The following CFAP210 variants were observed in gnomAD, a reference collection of about 807,000 sequenced individuals.
CFAP210 encodes the protein cilia and flagella associated protein 210.
the CFAP210 span, among the ~76,000 whole-genome samples, chr2:169,692,009 C>T: frequency 6.6e-6 from 1 of 152,242 alleles, no homozygotes; most frequent in Non-Finnish European, 1.5e-5. Flanking sequence ...AGGCAATTTA[C>T]AACTCCATCT....
chr2:169,670,615 G>A, the CFAP210 span, among the ~76,000 whole-genome samples: 1 of 152,142 alleles, frequency 6.6e-6, no homozygotes, highest in African/African-American at 2.4e-5. Flanking sequence ...AGTCATCCAA[G>A]GGCTTAAATG....
the CFAP210 span, among the ~76,000 whole-genome samples, chr2:169,682,922 G>A: frequency 0.035 from 5,398 of 152,122 alleles, 346 homozygotes; most frequent in African/African-American, 0.12. Flanking sequence ...TAAGACTAGC[G>A]CCTGGTACAT....
At chr2:169,662,147 T>A in the CFAP210 span, 1 of 858,016 alleles carries the variant, frequency 1.2e-6, no homozygotes, top group South Asian at 1.7e-5. Flanking sequence ...CCTTACTTGA[T>A]CATTACATAA....
chr2:169,654,290 C>T, the CFAP210 span: 1 of 1,289,730 alleles, frequency 7.8e-7, no homozygotes, highest in Admixed American at 2.6e-5. Context: ...TAACAAGAAC[C>T]TGTCAAATGG....
chr2:169,673,070 T>C, the CFAP210 span, among the ~76,000 whole-genome samples: 1 of 152,100 alleles, frequency 6.6e-6, no homozygotes, highest in African/African-American at 2.4e-5. Context: ...AAGCCCACCA[T>C]GAGAAGTAAG....
the CFAP210 span, among the ~76,000 whole-genome samples, chr2:169,684,883 T>C: frequency 2.0e-5 from 3 of 152,200 alleles, no homozygotes; most frequent in South Asian, 4.1e-4. Context: ...CTCAAACTCC[T>C]GGCCTCAAGT....
the CFAP210 span, chr2:169,674,852 A>G: frequency 5.3e-6 from 8 of 1,498,964 alleles, no homozygotes; most frequent in African/African-American, 1.4e-5. Flanking sequence ...AAATACAAGA[A>G]AACTCAAGTA....
At chr2:169,668,752 A>G in the CFAP210 span, among the ~76,000 whole-genome samples, 12 of 152,216 alleles carry the variant, frequency 7.9e-5, no homozygotes, top group Non-Finnish European at 2.9e-5. Flanking sequence ...GCCATCTTAT[A>G]TGGGTACAGT....
chr2:169,670,983 C>A, the CFAP210 span, among the ~76,000 whole-genome samples: 2 of 152,086 alleles, frequency 1.3e-5, no homozygotes, highest in Non-Finnish European at 2.9e-5. Context: ...ATAGGGCATG[C>A]AAAAAGAGAC....
At chr2:169,688,617 T>C in the CFAP210 span, among the ~76,000 whole-genome samples, 5 of 152,232 alleles carry the variant, frequency 3.3e-5, no homozygotes, top group African/African-American at 1.2e-4. Flanking sequence ...ATGACGCTAG[T>C]CTTTTTGCTA....
chr2:169,681,791 G>C, the CFAP210 span, among the ~76,000 whole-genome samples: 1 of 152,180 alleles, frequency 6.6e-6, no homozygotes, highest in Admixed American at 6.5e-5. Context: ...CAGGACAAAA[G>C]GTTTACTTGC....
the CFAP210 span, among the ~76,000 whole-genome samples, chr2:169,678,773 C>T: frequency 0.41 from 61,889 of 151,424 alleles, 12,899 homozygotes; most frequent in Non-Finnish European, 0.44. Flanking sequence ...TGCAGTGAGC[C>T]GAGATCACAC....
the CFAP210 span, among the ~76,000 whole-genome samples, chr2:169,689,547 G>A: frequency 1.3e-5 from 2 of 152,174 alleles, no homozygotes; most frequent in African/African-American, 4.8e-5. Context: ...AGAATATCAT[G>A]TCATCTGTGA....
chr2:169,650,656 TATTATTTTA>T, the CFAP210 span: 2 of 1,118,318 alleles, frequency 1.8e-6, no homozygotes, highest in Non-Finnish European at 1.2e-6. Context: ...TCCTTACATA[TATTATTTTA>T]AGTGGACATT....
chr2:169,648,659 GTTAAAA>G, the CFAP210 span, among the ~76,000 whole-genome samples: 5 of 152,204 alleles, frequency 3.3e-5, no homozygotes, highest in Admixed American at 2.0e-4. Flanking sequence ...TACTAGAATA[GTTAAAA>G]TTAAGGGATG....
the CFAP210 span, among the ~76,000 whole-genome samples, chr2:169,679,073 A>G: frequency 2.0e-5 from 3 of 152,212 alleles, no homozygotes; most frequent in Non-Finnish European, 4.4e-5. Context: ...TTCAAAGGCA[A>G]TGTAGTGGAT....
the CFAP210 span, among the ~76,000 whole-genome samples, chr2:169,653,092 A>ATG: frequency 7.5e-6 from 1 of 133,392 alleles, no homozygotes; most frequent in African/African-American, 2.8e-5. Context: ...ATATGTATGT[A>ATG]TATATATATA....
chr2:169,650,320 A>T, the CFAP210 span: 3 of 1,549,830 alleles, frequency 1.9e-6, no homozygotes, highest in Non-Finnish European at 1.7e-6. Context: ...TCATAATTGA[A>T]TTGTTTACCA....
the CFAP210 span, among the ~76,000 whole-genome samples, chr2:169,649,863 G>A: frequency 2.0e-5 from 3 of 151,474 alleles, no homozygotes; most frequent in South Asian, 2.1e-4. Context: ...CCCAGGAGGC[G>A]AAGGTTGAGG....
Sources: allele counts gnomAD v4.1 joint callset (sites outside exome capture counted in the v4.1 genomes callset), GRCh38; gene constraint gnomAD v4.1.1; transcripts MANE v1.5; gene names NCBI Gene and HGNC (gene_info 2026-07-23, HGNC 2026-07-21).